The following NEK9 variants were observed in gnomAD, a reference collection of about 807,000 sequenced individuals.
NEK9 encodes the protein NIMA related kinase 9.
Under a neutral mutation model 123.4 loss-of-function variants are expected in NEK9, and 75 were observed. That is an observed-to-expected ratio of 0.61 (90% confidence interval 0.50 to 0.74). NEK9 has a LOEUF of 0.74. NEK9 is among the 30% of genes least tolerant of loss of function. The pLI, the probability that NEK9 is intolerant of heterozygous loss-of-function variation, is 0.00. For synonymous variants in NEK9, 438 were observed against 458.7 expected, an observed-to-expected ratio of 0.95 and a Z score of 0.58; for missense variants, 952 against 1,214.4, an observed-to-expected ratio of 0.78 and a Z score of 3.21.
chr14:75,107,681 G>T (rs567460060), intron 10 of NEK9, among the ~76,000 whole-genome samples, 194 bp from the exon 11 acceptor site: 5 of 152,062 alleles, frequency 3.3e-5, no homozygotes, highest in African/African-American at 7.2e-5. Flanking sequence ...GAGGTCTTAT[G>T]AAGTTTTAAT....
At chr14:75,084,963 G>A (rs913034516) in intron 21 of NEK9, 8 of 332,030 alleles carry the variant, frequency 2.4e-5, no homozygotes, top group South Asian at 2.4e-4. Context: ...AAAAGTCCTG[G>A]GCAAAACAAT....
intron 13 of NEK9, 109 bp from the exon 14 acceptor site, chr14:75,104,106 A>T: frequency 9.3e-7 from 1 of 1,075,324 alleles, no homozygotes; most frequent in Non-Finnish European, 1.3e-6. Flanking sequence ...GAATGACTAC[A>T]GGAAAGTGAG....
intron 4 of NEK9, among the ~76,000 whole-genome samples, chr14:75,119,440 A>AG (rs778842230): frequency 6.6e-6 from 1 of 152,250 alleles, no homozygotes; most frequent in Non-Finnish European, 1.5e-5. Context: ...ACTTTAAAGG[A>AG]GTGAAGGCAG....
chr14:75,095,290 T>C (rs1340509123), intron 18 of NEK9, 82 bp downstream of exon 18: 1 of 867,204 alleles, frequency 1.2e-6, no homozygotes, highest in Non-Finnish European at 1.8e-6. Context: ...CCATTTTCCT[T>C]TGGGTTTTGG....
chr14:75,110,325 G>A lies in NEK9; in HGVS notation c.985C>T (p.Pro329Ser). The change falls in exon 9 of 22, where the codon CCA (proline) becomes TCA (serine). Residue 329 changes from proline (P) to serine (S), a missense_variant. Coordinates refer to ENST00000238616, the MANE Select transcript of NEK9 (RefSeq NM_033116.6). The part of the protein sequence containing the change: ...VTLLNAPTKR[P>S]RSSTVTEAPI... ...TAAGAGTCTCTTGAACATTACCTTG[G>A]TCTCTTTGTAGGTGCATTAAGCAGA... 6.2e-7 allele frequency: 1 copy of A among 1,611,982 alleles called. No individual in the cohort carries two copies. Among genetic ancestry groups the A allele is most frequent in the South Asian group, 1.1e-5 (1 of 90,922 alleles).
intron 18 of NEK9, among the ~76,000 whole-genome samples, chr14:75,094,555 G>A (rs890546912): frequency 1.3e-5 from 2 of 152,164 alleles, no homozygotes; most frequent in African/African-American, 4.8e-5. Context: ...CAGCACTTTG[G>A]GAGGCTGAGG....
intron 7 of NEK9, 44 bp downstream of exon 7, chr14:75,114,159 A>G (rs941156763): frequency 4.4e-6 from 6 of 1,366,328 alleles, no homozygotes; most frequent in Non-Finnish European, 5.2e-6. Flanking sequence ...CTGAGGCTGG[A>G]AGGGGAAATA....
chr14:75,099,169 A>G (rs904444206), intron 16 of NEK9, among the ~76,000 whole-genome samples: 1 of 152,108 alleles, frequency 6.6e-6, no homozygotes, highest in African/African-American at 2.4e-5. Context: ...TAAGAAGATT[A>G]AATGTATTGG....
rs2139767138 is a variant in NEK9 at position 75,106,638 on chromosome 14, A to G, written c.1392T>C (p.Ala464=). The change falls in exon 12 of 22, where the codon GCT becomes GCC. Residue 464 remains alanine (A), a synonymous_variant. Transcript: ENST00000238616. ...YYGCMGVDKV[A]GPEVLEPMQL... ...GCATGGGTTCTAGCACTTCAGGGCC[A>G]GCAACTTTGTCCACCCCCATGCAGC... 5 of 1,614,134 alleles carry G rather than the reference A, an allele frequency of 3.1e-6. No homozygotes were observed. In the South Asian group the frequency reaches 5.5e-5, roughly 18 times the overall value.
intron 2 of NEK9, among the ~76,000 whole-genome samples, chr14:75,123,325 C>A (rs1895404013): frequency 6.6e-6 from 1 of 152,008 alleles, no homozygotes; most frequent in Admixed American, 6.6e-5. Flanking sequence ...TGCTTGAACC[C>A]AGGAGGCGGA....
chr14:75,091,808 C>T (rs971673980), intron 18 of NEK9: 1 of 213,008 alleles, frequency 4.7e-6, no homozygotes, highest in African/African-American at 2.3e-5. Context: ...AAATCTAGCA[C>T]CCATGCTTAC....
chr14:75,105,239 T>C (rs1894729792), intron 13 of NEK9, among the ~76,000 whole-genome samples: 2 of 151,674 alleles, frequency 1.3e-5, no homozygotes, highest in Non-Finnish European at 2.9e-5. Context: ...GGATGGTCCC[T>C]AGAAATGCAT....
intron 19 of NEK9, among the ~76,000 whole-genome samples, chr14:75,089,492 G>A (rs1317204290): frequency 6.6e-6 from 1 of 152,040 alleles, no homozygotes; most frequent in Non-Finnish European, 1.5e-5. Flanking sequence ...GCCTCCCAAA[G>A]TGCTGGGATT....
intron 12 of NEK9, 79 bp from the exon 13 acceptor site, chr14:75,106,075 G>T: frequency 1.5e-6 from 2 of 1,325,312 alleles, no homozygotes; most frequent in Non-Finnish European, 2.2e-6. Flanking sequence ...ATTCTCTTTT[G>T]CCAGGTGCGG....
rs1349588379 is a variant in NEK9, at chr14:75,088,570, A to C, written c.2514T>G (p.Ser838=). The C allele has an allele frequency of 3.1e-6, 5 of 1,613,956 alleles. No homozygotes were observed. The highest frequency in any genetic ancestry group is 1.7e-5 in the Admixed American group (1 of 59,976). ...PSPLSAAFSE[S]EKDTLPYEEL... ...CTTCATAGGGCAGGGTATCTTTCTC[A>C]GATTCTGAAAACGCTGCACTGAGAG... The change falls in exon 20 of 22, where the codon TCT becomes TCG. Residue 838 remains serine (S), a synonymous_variant. Coordinates refer to ENST00000238616, the MANE Select transcript of NEK9 (RefSeq NM_033116.6).
intron 4 of NEK9, among the ~76,000 whole-genome samples, chr14:75,119,876 T>C (rs1895266971): frequency 6.6e-6 from 1 of 152,070 alleles, no homozygotes; most frequent in South Asian, 2.1e-4. Flanking sequence ...AAAAAGAAAA[T>C]AACAACATGC....
intron 18 of NEK9, 87 bp from the exon 19 acceptor site, chr14:75,091,565 G>A: frequency 8.4e-7 from 1 of 1,193,294 alleles, no homozygotes. Context: ...CCCTGGAAAG[G>A]TGCCTATAAG....
intron 10 of NEK9, among the ~76,000 whole-genome samples, chr14:75,109,015 C>A (rs568721812): frequency 1.3e-5 from 2 of 152,078 alleles, no homozygotes; most frequent in Admixed American, 6.5e-5. Flanking sequence ...CAAATGCTGC[C>A]GAGAGGTCAA....
intron 21 of NEK9, 113 bp from the exon 22 acceptor site, chr14:75,084,799 AGG>A: frequency 1.5e-6 from 2 of 1,368,490 alleles, no homozygotes; most frequent in Non-Finnish European, 1.0e-6. Flanking sequence ...GGCGTGGCTA[AGG>A]ATTTGTAGCC....
Sources: gnomAD v4.1 joint callset for allele counts (sites outside exome capture counted in the v4.1 genomes callset) on GRCh38, gnomAD v4.1.1 for gene constraint, MANE v1.5 for transcripts, NCBI Gene and HGNC (gene_info 2026-07-23, HGNC 2026-07-21) for gene names.